MUC13: variants seen among roughly 807,000 people sequenced by gnomAD.
MUC13 encodes the protein mucin-13.
In MUC13, 32 loss-of-function variants were observed where a neutral mutation model predicts 48.3. The ratio of observed to expected loss-of-function variants is 0.66; its 90% CI spans 0.50 to 0.89. The LOEUF is 0.89. MUC13 is among the 40% of genes least tolerant of loss of function. The pLI is 0.00. For synonymous variants in MUC13, 199 were observed against 224.9 expected (o/e 0.88, Z 1.03); for missense variants, 571 against 622.8 (o/e 0.92, Z 0.88).
Position 124,905,695 on chromosome 3 carries a change from C to T in MUC13, c.*1048G>A, listed in dbSNP as rs1579359353. The T allele has an allele frequency of 6.5e-6, 1 of 153,084 alleles. No homozygotes were observed. The highest frequency in any genetic ancestry group is 6.5e-5 in the Admixed American group (1 of 15,276). The allele number at this position is 153,084 out of a possible 1,614,324, so 9.5% of individuals were successfully genotyped here. On this transcript the variant is annotated 3_prime_UTR_variant, in exon 12 of 12. Coordinates refer to ENST00000616727, the MANE Select transcript of MUC13 (RefSeq NM_033049.4). ...GAAGGCTGAGGCCCCAATGGCACAC[C>T]TCAGAAACCTACACCCCGAGGCTGG... is the stretch of plus-strand genomic sequence containing the variant.
chr3:124,928,106 G>C, intron 1 of MUC13, 113 bp from the exon 2 acceptor site: 1 of 853,858 alleles, frequency 1.2e-6, no homozygotes, highest in Non-Finnish European at 1.7e-6. Context: ...TTTAGAGGTA[G>C]GGTTTCCCCA....
At chr3:124,915,228 A>T (rs113017301) in intron 6 of MUC13, among the ~76,000 whole-genome samples, 2 of 152,148 alleles carry the variant, frequency 1.3e-5, no homozygotes, top group African/African-American at 4.8e-5. Context: ...GATGACTGTT[A>T]TGGTGGGTTG....
chr3:124,917,255 T>C (rs1197610886), intron 5 of MUC13, among the ~76,000 whole-genome samples: 1 of 152,174 alleles, frequency 6.6e-6, no homozygotes, highest in East Asian at 1.9e-4. Context: ...AAAAATGACT[T>C]TTAAAAACAT....
intron 4 of MUC13, among the ~76,000 whole-genome samples, chr3:124,920,977 C>G (rs564125676): frequency 6.6e-6 from 1 of 152,214 alleles, no homozygotes; most frequent in African/African-American, 2.4e-5. Context: ...AGCGTTGTCA[C>G]GTACTGGCTG....
chr3:124,922,194 T>C lies in MUC13; in HGVS notation c.744+3A>G. 3 of 1,613,862 alleles carry C rather than the reference T, an allele frequency of 1.9e-6. No individual in the cohort carries two copies. The highest frequency in any genetic ancestry group is 2.5e-6 in the Non-Finnish European group (3 of 1,179,956). ...ACAGAAAGGAAAGTTGGAAAATACT[T>C]ACCAAGCTAGTAATTTCACTATGCA... On this transcript the variant is annotated splice_donor_region_variant and intron_variant, in intron 4 of 11. Coordinates refer to ENST00000616727, the MANE Select transcript of MUC13 (RefSeq NM_033049.4).
At position 124,923,629 on chromosome 3, in the gene MUC13, C is replaced by G; in HGVS notation, c.535G>C (p.Asp179His). 6.2e-7 allele frequency: 1 copy of G among 1,613,712 alleles called. No homozygotes were observed. Among genetic ancestry groups the G allele is most frequent in the Non-Finnish European group, 8.5e-7 (1 of 1,179,878 alleles). Residue 179 changes from aspartate (D) to histidine (H), a missense_variant, in exon 3 of 12, where the codon GAT becomes CAT. Transcript: ENST00000616727. The stretch of plus-strand genomic sequence containing the variant: ...AACGAATTATCTGCACAGGGATCAT[C>G]TTGGCAAGGATTGCTGGGACCTTAG... ...NSTGPSNPCQDDPCADNSLCV... is the reference protein window; with the variant it reads ...NSTGPSNPCQHDPCADNSLCV...
At chr3:124,908,122 C>T (rs1473286221) in intron 11 of MUC13, 25 bp downstream of exon 11, 1 of 1,612,748 alleles carries the variant, frequency 6.2e-7, no homozygotes, top group Non-Finnish European at 8.5e-7. Flanking sequence ...CTCCCAAAAG[C>T]AGGAGAAAAA....
chr3:124,933,023 G>A (rs897452797), intron 1 of MUC13, among the ~76,000 whole-genome samples: 7 of 151,954 alleles, frequency 4.6e-5, no homozygotes, highest in African/African-American at 2.4e-5. Flanking sequence ...AGTCATACAA[G>A]CCTCACCAAT....
At chr3:124,933,529 A>C (rs1024271599) in intron 1 of MUC13, among the ~76,000 whole-genome samples, 1 of 152,118 alleles carries the variant, frequency 6.6e-6, no homozygotes, top group Non-Finnish European at 1.5e-5. Context: ...AGGATCTTTA[A>C]ATTCCAAGGA....
Position 124,908,215 on chromosome 3 carries a change from C to T in MUC13, c.1471G>A (p.Ala491Thr). 6.2e-7 allele frequency: 1 copy of T among 1,614,146 alleles called. No homozygotes were observed. The highest frequency in any genetic ancestry group is 2.2e-5 in the East Asian group (1 of 44,878). ...TTTTGCATCTGGCTGTCTCTGGAGG[C>T]CGTTATCCTGACCTTAGGAAAGACG... ...GSVFPKVRIT[A>T]SRDSQMQNPY... Residue 491 changes from alanine to threonine, a missense_variant, in exon 11 of 12, where the codon GCC (alanine) becomes ACC (threonine). Ala to Thr is a moderately conservative substitution (Grantham distance 58). Transcript: ENST00000616727.
intron 11 of MUC13, among the ~76,000 whole-genome samples, chr3:124,907,198 G>A (rs1334934264): frequency 6.6e-6 from 1 of 152,014 alleles, no homozygotes; most frequent in Non-Finnish European, 1.5e-5. Flanking sequence ...TGTAAAAATG[G>A]GGTCTCATTA....
intron 9 of MUC13, among the ~76,000 whole-genome samples, chr3:124,911,338 G>A (rs1180913790): frequency 6.6e-6 from 1 of 152,176 alleles, no homozygotes; most frequent in Non-Finnish European, 1.5e-5. Context: ...TGGGGCCACA[G>A]ACTGGCAAAT....
intron 4 of MUC13, among the ~76,000 whole-genome samples, chr3:124,920,545 G>A (rs1935577958): frequency 6.6e-6 from 1 of 152,130 alleles, no homozygotes. Context: ...GAGTTCTGGT[G>A]CATCCCTTCT....
chr3:124,912,191 A>T, intron 8 of MUC13, 50 bp from the exon 9 acceptor site: 1 of 1,600,344 alleles, frequency 6.2e-7, no homozygotes, highest in Non-Finnish European at 8.5e-7. Context: ...CCCTGTGGGG[A>T]GCATGTCAGA....
At chr3:124,915,808 C>G (rs1368403523) in intron 6 of MUC13, among the ~76,000 whole-genome samples, 10 of 151,792 alleles carry the variant, frequency 6.6e-5, no homozygotes, top group Admixed American at 6.5e-4. Context: ...ACCTCAGCCT[C>G]CCAAGTAGCT....
chr3:124,912,935 C>CAAAA (rs1175714352), intron 8 of MUC13, among the ~76,000 whole-genome samples, 176 bp downstream of exon 8: 6 of 41,240 alleles, frequency 1.5e-4, no homozygotes, highest in Middle Eastern at 0.01. Flanking sequence ...GACTCCATCT[C>CAAAA]AAAAAAAAAA....
Position 124,905,653 on chromosome 3 carries a change from G to A in MUC13, c.*1090C>T, listed in dbSNP as rs545727172. 2 of 153,308 alleles carry A rather than the reference G, an allele frequency of 1.3e-5. No homozygotes were observed. The highest frequency in any genetic ancestry group is 4.8e-5 in the African/African-American group (2 of 41,538). 9.5% of individuals were successfully genotyped at this position (153,308 alleles called of 1,614,324 possible). On this transcript the variant is annotated 3_prime_UTR_variant, in exon 12 of 12. Transcript: ENST00000616727. ...TGGTTGTGTGTTGGTGGCCACAGCT[G>A]AGCCTCTGTCACCAGAGAAGGCTGA... is the stretch of plus-strand genomic sequence containing the variant.
rs1422527730 is a variant in MUC13 at position 124,927,991 on chromosome 3, T to C, written c.55A>G (p.Thr19Ala). ...LLALLSVNTA[T>A]NQGNSADAVT... ...GCATCAGCTGAGTTGCCTTGGTTGGTGGCTGGAGGAACAAAGATACCAAGT... is the reference window on the plus strand; with the variant it reads ...GCATCAGCTGAGTTGCCTTGGTTGGCGGCTGGAGGAACAAAGATACCAAGT... The change falls in exon 2 of 12, where the codon ACC becomes GCC. Residue 19 changes from threonine to alanine, a missense_variant and splice_region_variant. By Grantham distance (58) the Thr-to-Ala change is moderately conservative. Coordinates refer to ENST00000616727, the MANE Select transcript of MUC13 (RefSeq NM_033049.4). 4 of 1,539,712 alleles carry C rather than the reference T, an allele frequency of 2.6e-6. No homozygotes were observed. The highest frequency in any genetic ancestry group is 2.8e-5 in the African/African-American group (2 of 72,576).
chr3:124,922,300 T>A lies in MUC13; in HGVS notation c.641A>T (p.Lys214Met), dbSNP rs1471027971. 1 of 1,613,432 alleles carries A rather than the reference T, an allele frequency of 6.2e-7. No individual in the cohort carries two copies. Among genetic ancestry groups the A allele is most frequent in the Non-Finnish European group, 8.5e-7 (1 of 1,179,778 alleles). Residue 214 changes from lysine (K) to methionine (M), a missense_variant, in exon 4 of 12, where the codon AAG becomes ATG. Transcript: ENST00000616727. ...YYNSSTCKKGKVFPGKISVTV... is the reference protein window; with the variant it reads ...YYNSSTCKKGMVFPGKISVTV... ...CACTGAAATCTTCCCAGGGAATACC[T>A]TTCCTGAAAGTTAAGCAGAATCTTT...
Sources: gnomAD v4.1 joint callset for allele counts (sites outside exome capture counted in the v4.1 genomes callset) on GRCh38, gnomAD v4.1.1 for gene constraint, MANE v1.5 for transcripts, NCBI Gene and HGNC (gene_info 2026-07-23, HGNC 2026-07-21) for gene names.